The following LRRC61 variants were observed in gnomAD, a reference collection of about 807,000 sequenced individuals.
The protein encoded by LRRC61 is leucine-rich repeat-containing protein 61.
Under a neutral mutation model 15.1 loss-of-function variants are expected in LRRC61, and 9 were observed. That is an observed-to-expected ratio of 0.60 (90% CI 0.36 to 1.04). The LOEUF is 1.04. LRRC61 is among the 50% of genes least tolerant of loss of function. The pLI, the probability that LRRC61 is intolerant of heterozygous loss-of-function variation, is 0.01. For missense variants in LRRC61, 344 were observed against 335.6 expected (o/e 1.03, Z -0.20); for synonymous variants, 173 against 158.6 (o/e 1.09, Z -0.68).
At chr7:150,329,119 T>G (rs187584056) in intron 2 of LRRC61, among the ~76,000 whole-genome samples, 1 of 152,294 alleles carries the variant, frequency 6.6e-6, no homozygotes, top group Non-Finnish European at 1.5e-5. Context: ...AAAAGCCAAG[T>G]CTCTGGCAAA....
intron 2 of LRRC61, among the ~76,000 whole-genome samples, chr7:150,326,411 A>G (rs1797965276): frequency 6.6e-6 from 1 of 152,138 alleles, no homozygotes; most frequent in African/African-American, 2.4e-5. Context: ...TGCTGGGTGC[A>G]GTGGCTCACA....
At position 150,333,490 on chromosome 7, in the gene LRRC61, C is replaced by T. The variant is rs1451640303; in HGVS notation, c.-144-3228C>T. ...AAGCCCTCTTCTAGAGCGTTAGAGC[C>T]TCCAGTCCACCCGAGGCTGCTCTGG... is the stretch of plus-strand genomic sequence containing the variant. On this transcript the variant is annotated intron_variant, in intron 2 of 2. Coordinates refer to ENST00000359623, the MANE Select transcript of LRRC61 (RefSeq NM_001142928.2). This position sits in a 1 kb window ranked among gnomAD's most constrained non-coding sequence, Gnocchi z 4.3. Among the ~76,000 whole-genome samples, 1 of 152,238 alleles carries T rather than the reference C, an allele frequency of 6.6e-6. No individual in the cohort carries two copies. Among genetic ancestry groups the T allele is most frequent in the African/African-American group, 2.4e-5 (1 of 41,454 alleles).
the LRRC61 span, among the ~76,000 whole-genome samples, chr7:150,315,597 T>C: frequency 1.3e-5 from 2 of 152,352 alleles, no homozygotes; most frequent in East Asian, 3.9e-4. Flanking sequence ...AGGAAGGACA[T>C]TCCTATGAAA....
At chr7:150,326,998 A>G (rs1284688129) in intron 2 of LRRC61, among the ~76,000 whole-genome samples, 4 of 152,154 alleles carry the variant, frequency 2.6e-5, no homozygotes, top group Non-Finnish European at 5.9e-5. Flanking sequence ...TCTGGCTGGG[A>G]GGAGCTCCTC....
Position 150,330,368 on chromosome 7 carries a change from G to A in LRRC61, c.-145+4358G>A, listed in dbSNP as rs148717867. The A allele has an allele frequency of 2.9e-4, 223 of 761,006 alleles. No individual in the cohort carries two copies. The highest frequency in any genetic ancestry group is 2.9e-3 in the African/African-American group (171 of 59,150). 47.1% of individuals were successfully genotyped at this position (761,006 alleles called of 1,614,324 possible). A position where few individuals can be genotyped will look rare whatever the true frequency, so the allele number is the denominator to read the frequency against. The stretch of plus-strand genomic sequence containing the variant: ...CCTTGTCGGCCACATTCTGGAGCCC[G>A]GCAGACAGCCTCAGCAAGCTCCTGT... On this transcript the variant is annotated intron_variant, in intron 2 of 2. Transcript: ENST00000359623. This position sits in a 1 kb window ranked among gnomAD's most constrained non-coding sequence, Gnocchi z 4.6.
chr7:150,326,512 G>A (rs544977872), intron 2 of LRRC61, among the ~76,000 whole-genome samples: 39 of 151,870 alleles, frequency 2.6e-4, no homozygotes, highest in South Asian at 1.3e-3. Context: ...GTGAAATCCC[G>A]TCTCTACAGA....
chr7:150,337,725 C>T lies in LRRC61; in HGVS notation c.*84C>T, dbSNP rs1488330602. 2 of 1,388,570 alleles carry T rather than the reference C, an allele frequency of 1.4e-6. No individual in the cohort carries two copies. Among genetic ancestry groups the T allele is most frequent in the African/African-American group, 2.9e-5 (2 of 68,912 alleles). The allele number at this position is 1,388,570 out of a possible 1,614,324, so 86.0% of individuals were successfully genotyped here. A position where few individuals can be genotyped will look rare whatever the true frequency, so the allele number is the denominator to read the frequency against. On this transcript the variant is annotated 3_prime_UTR_variant, in exon 3 of 3. Transcript: ENST00000359623. ...TCTGCCCCCACACTCGTCTTAGTTG[C>T]TTCACACTGGTCACTGGCCCTGCAC...
upstream of LRRC61, among the ~76,000 whole-genome samples, chr7:150,318,318 T>C (rs1435097543): frequency 2.0e-5 from 3 of 152,152 alleles, no homozygotes; most frequent in Admixed American, 6.5e-5. Flanking sequence ...AACAGAGTCT[T>C]TCCTAGAGCT....
the LRRC61 span, among the ~76,000 whole-genome samples, chr7:150,309,547 T>C: frequency 6.6e-6 from 1 of 152,214 alleles, no homozygotes; most frequent in Non-Finnish European, 1.5e-5. Flanking sequence ...CAGCCATGCC[T>C]TCAGCACACA....
chr7:150,338,040 TC>T lies in LRRC61; in HGVS notation c.*403del. On this transcript the variant is annotated 3_prime_UTR_variant, in exon 3 of 3. Transcript: ENST00000359623. ...CCCAGAGCACTCCTGGAAGTGGGAC[TC>T]CCCTGCCTTGCAAATGTGCCTCTCC... 2.4e-6 allele frequency: 1 copy of T among 416,096 alleles called. No homozygotes were observed. The highest frequency in any genetic ancestry group is 2.1e-5 in the South Asian group (1 of 46,608). The allele number at this position is 416,096 out of a possible 1,614,324, so 25.8% of individuals were successfully genotyped here.
chr7:150,319,144 G>A (rs140039751), upstream of LRRC61, among the ~76,000 whole-genome samples: 142 of 152,130 alleles, frequency 9.3e-4, no homozygotes, highest in African/African-American at 3.4e-3. Flanking sequence ...GAAAATCCCC[G>A]GTTCCAAGTC....
chr7:150,323,608 G>C (rs1270657771), intron 1 of LRRC61, 48 bp downstream of exon 1: 1 of 452,876 alleles, frequency 2.2e-6, no homozygotes, highest in Non-Finnish European at 4.4e-6. Flanking sequence ...GGCGGCTGTC[G>C]GGGCCCGTGC....
the LRRC61 span, among the ~76,000 whole-genome samples, chr7:150,310,983 C>T: frequency 1.5e-4 from 23 of 152,260 alleles, no homozygotes; most frequent in African/African-American, 4.8e-4. Context: ...TCCTGCAGAC[C>T]GTGTTCAGTT....
At chr7:150,334,045 G>A (rs537838460) in intron 2 of LRRC61, 2 of 985,432 alleles carry the variant, frequency 2.0e-6, no homozygotes, top group South Asian at 4.7e-5. Context: ...TTCTGTCCCG[G>A]TGGGGTCTTT....
the LRRC61 span, among the ~76,000 whole-genome samples, chr7:150,313,423 T>C: frequency 1.3e-5 from 2 of 152,178 alleles, no homozygotes; most frequent in Admixed American, 6.5e-5. Flanking sequence ...TAGAAAGAAA[T>C]GTCTGGGTTA....
In LRRC61 at chr7:150,336,965, T is replaced by C; in HGVS notation, c.104T>C (p.Leu35Pro). The C allele has an allele frequency of 6.2e-7, 1 of 1,614,016 alleles. No individual in the cohort carries two copies. Among genetic ancestry groups the C allele is most frequent in the Non-Finnish European group, 8.5e-7 (1 of 1,180,044 alleles). The change falls in exon 3 of 3, where the codon CTA becomes CCA. Residue 35 changes from leucine to proline, a missense_variant. Transcript: ENST00000359623. ...GAGTTCTCCCTGGAGTCCATCCTGC[T>C]ACTGAAGCTGCGTGGCTTGGGACTG... ...TGEFSLESIL[L>P]LKLRGLGLAD... is the part of the protein sequence containing the mutation.
chr7:150,312,708 T>C, the LRRC61 span, among the ~76,000 whole-genome samples: 1 of 152,168 alleles, frequency 6.6e-6, no homozygotes, highest in Admixed American at 6.5e-5. Flanking sequence ...TGGTCATAGT[T>C]GAAGCAGTCC....
rs75005580 is a variant in LRRC61 at position 150,326,748 on chromosome 7, A to T, written c.-145+738A>T. On this transcript the variant is annotated intron_variant, in intron 2 of 2. Transcript: ENST00000359623. The stretch of plus-strand genomic sequence containing the variant: ...CTGCAGATGGCCTCTGGAGGCCTGG[A>T]TGTTCACACTCTGGGGTTGCAGTTT... 1.1e-3 allele frequency among the ~76,000 whole-genome samples: 171 copies of T among 151,594 alleles called. 2 individuals are homozygous for T. In the East Asian group the frequency reaches 0.03, roughly 27 times the overall value.
At position 150,337,070 on chromosome 7, in the gene LRRC61, C is replaced by T. The variant is rs141962982; in HGVS notation, c.209C>T (p.Pro70Leu). Residue 70 changes from proline (P) to leucine (L), a missense_variant, in exon 3 of 3, where the codon CCG (proline) becomes CTG (leucine). Pro to Leu is a moderately conservative substitution (Grantham distance 98, BLOSUM62 -3). Transcript: ENST00000359623. ...GGCAACGCGCTCACCCACCTGGGCC[C>T]GCTGGCCTCCTTGCGCCAGCTAGCT... ...LSGNALTHLG[P>L]LASLRQLAVL... 50 of 1,612,838 alleles carry T rather than the reference C, an allele frequency of 3.1e-5. No individual in the cohort carries two copies. The highest frequency in any genetic ancestry group is 1.6e-4 in the Middle Eastern group (1 of 6,084).
Sources: allele counts gnomAD v4.1 joint callset (sites outside exome capture counted in the v4.1 genomes callset), GRCh38; gene constraint gnomAD v4.1.1; non-coding constraint Gnocchi (gnomAD v3.1); transcripts MANE v1.5; gene names NCBI Gene and HGNC (gene_info 2026-07-23, HGNC 2026-07-21).